BTN2A1: variants seen among roughly 807,000 people sequenced by gnomAD.
BTN2A1 encodes the protein butyrophilin, subfamily 2, member A1.
A neutral mutation model predicts 34.5 loss-of-function variants in BTN2A1; 41 were observed. The observed-to-expected ratio is 1.19, with a 90% CI of 0.93 to 1.54. The LOEUF is 1.54. Ranked by LOEUF, BTN2A1 falls within the 40% of genes most tolerant of loss-of-function variation. The probability of loss-of-function intolerance (pLI) is 0.00; values close to 1 mark genes in which losing one functional copy is unlikely to be tolerated. For missense variants in BTN2A1, 642 were observed against 662.0 expected (o/e 0.97, Z 0.33); for synonymous variants, 267 against 258.6 (o/e 1.03, Z -0.31).
intron 3 of BTN2A1, chr6:26,462,698 A>C (rs1763196892): frequency 1.3e-6 from 1 of 749,440 alleles, no homozygotes; most frequent in Admixed American, 2.5e-5. Flanking sequence ...GGTTATGTGA[A>C]GTTCTGAACT....
In BTN2A1 at chr6:26,458,539, G is replaced by A. The variant is rs1403990551; in HGVS notation, c.-30-68G>A. The A allele has an allele frequency of 1.5e-5, 19 of 1,280,150 alleles. No individual in the cohort carries two copies. In the Admixed American group the frequency reaches 2.2e-4, roughly 15 times the overall value. 79.3% of individuals were successfully genotyped at this position (1,280,150 alleles called of 1,614,324 possible). A position where few individuals can be genotyped will look rare whatever the true frequency, so the allele number is the denominator to read the frequency against. On this transcript the variant is annotated intron_variant, in intron 1 of 7. Transcript: ENST00000312541. ...ACTGATGAGACCTACTTGAGTGACGGGAGAGGTTGGGCCCGACCAGCACTG... is the reference window on the plus strand; with the variant it reads ...ACTGATGAGACCTACTTGAGTGACGAGAGAGGTTGGGCCCGACCAGCACTG...
chr6:26,474,641 A>G (rs1763507455), intron 7 of BTN2A1, among the ~76,000 whole-genome samples: 2 of 152,194 alleles, frequency 1.3e-5, no homozygotes, highest in African/African-American at 4.8e-5. Context: ...GGTAGAATGC[A>G]AAGAGTAAGG....
chr6:26,466,286 T>A (rs879187242), intron 7 of BTN2A1, among the ~76,000 whole-genome samples, 198 bp downstream of exon 7: 1 of 152,186 alleles, frequency 6.6e-6, no homozygotes, highest in Non-Finnish European at 1.5e-5. Flanking sequence ...CAATCCACCC[T>A]ATGGTTTACA....
intron 3 of BTN2A1, chr6:26,462,973 G>T (rs1247501859): frequency 2.2e-5 from 25 of 1,157,616 alleles, no homozygotes; most frequent in Non-Finnish European, 9.2e-6. Flanking sequence ...GCTGTGATGG[G>T]GCCTATAGGT....
At position 26,468,801 on chromosome 6, in the gene BTN2A1, G is replaced by T; in HGVS notation, c.*252G>T. ...GGCATAGGGAACTAGTTGTTACACA[G>T]CTCCCAGCCAAGAAGAAAGTGTGAG... On this transcript the variant is annotated 3_prime_UTR_variant, in exon 8 of 8. Coordinates refer to ENST00000312541, the MANE Select transcript of BTN2A1 (RefSeq NM_007049.5). 6.3e-7 allele frequency: 1 copy of T among 1,582,868 alleles called. No homozygotes were observed. Among genetic ancestry groups the T allele is most frequent in the East Asian group, 2.4e-5 (1 of 42,536 alleles).
At chr6:26,462,858 C>T in intron 3 of BTN2A1, 2 of 1,280,536 alleles carry the variant, frequency 1.6e-6, no homozygotes, top group Non-Finnish European at 2.0e-6. Flanking sequence ...AAATCCAAAA[C>T]CTGCCTGTTT....
At position 26,466,090 on chromosome 6, in the gene BTN2A1, T is replaced by C. The variant is rs762894236; in HGVS notation, c.982+2T>C. 3.2e-5 allele frequency: 51 copies of C among 1,613,462 alleles called. No homozygotes were observed. Among genetic ancestry groups the C allele is most frequent in the Non-Finnish European group, 4.2e-5 (50 of 1,180,030 alleles). On this transcript the variant is annotated splice_donor_variant, in intron 7 of 7. Coordinates refer to ENST00000312541, the MANE Select transcript of BTN2A1 (RefSeq NM_007049.5). LOFTEE classifies it high-confidence loss of function. ...GGAGAAGAACATTCTTACATGCTGGTGAGTGCCTCTGATGTTCCCTCAGAT... is the reference window on the plus strand; with the variant it reads ...GGAGAAGAACATTCTTACATGCTGGCGAGTGCCTCTGATGTTCCCTCAGAT...
At chr6:26,465,642 G>A (rs1425764553) in intron 5 of BTN2A1, among the ~76,000 whole-genome samples, 1 of 152,162 alleles carries the variant, frequency 6.6e-6, no homozygotes, top group Non-Finnish European at 1.5e-5. Context: ...CACAGCAGCA[G>A]CAAGGACTTG....
Position 26,468,215 on chromosome 6 carries a change from C to T in BTN2A1, c.1250C>T (p.Pro417Leu), listed in dbSNP as rs1210971743. ...VERKGEVLLI[P>L]QNGFWTLEMH... ...AGGAAAGGGGAGGTCCTGCTGATTC[C>T]TCAGAATGGCTTCTGGACCTTGGAG... The change falls in exon 8 of 8, where the codon CCT becomes CTT. Residue 417 changes from proline to leucine, a missense_variant. Coordinates refer to ENST00000312541, the MANE Select transcript of BTN2A1 (RefSeq NM_007049.5). 1.9e-6 allele frequency: 3 copies of T among 1,614,094 alleles called. No individual in the cohort carries two copies. Among genetic ancestry groups the T allele is most frequent in the Non-Finnish European group, 2.5e-6 (3 of 1,180,052 alleles).
intron 3 of BTN2A1, among the ~76,000 whole-genome samples, chr6:26,462,352 A>G (rs1480592517): frequency 6.6e-6 from 1 of 152,088 alleles, no homozygotes; most frequent in East Asian, 1.9e-4. Context: ...TAATAAGTTG[A>G]TGTTCTCCAA....
chr6:26,476,317 C>CCTAGCTGATGAA, exon 8 of BTN2A1: 1 of 832,808 alleles, frequency 1.2e-6, no homozygotes, highest in Non-Finnish European at 2.0e-6. Context: ...TATTCATCAG[C>CCTAGCTGATGAA]TAGGCTGAAG....
In BTN2A1 at chr6:26,468,540, G is replaced by A; in HGVS notation, c.1575G>A (p.Gln525=). ...GLTLHRVGTH[Q]SL is the part of the protein sequence containing the mutation. ...CACTTCACAGAGTGGGGACCCACCA[G>A]AGCCTATAGAATCAATTCCTTGGTC... The change falls in exon 8 of 8, where the codon CAG becomes CAA. Residue 525 remains glutamine (Q), a synonymous_variant. Coordinates refer to ENST00000312541, the MANE Select transcript of BTN2A1 (RefSeq NM_007049.5). 1.2e-6 allele frequency: 2 copies of A among 1,614,190 alleles called. No homozygotes were observed. The highest frequency in any genetic ancestry group is 1.7e-6 in the Non-Finnish European group (2 of 1,180,044).
At position 26,463,420 on chromosome 6, in the gene BTN2A1, G is replaced by A. The variant is rs1468149495; in HGVS notation, c.607G>A (p.Val203Ile). 2.5e-6 allele frequency: 4 copies of A among 1,614,022 alleles called. No individual in the cohort carries two copies. The African/African-American group carries it at 5.3e-5, about 22-fold the overall frequency. ...GCCTGATGCAGACGGCCTCTTCATG[G>A]TCACCACGGCTGTGATCATCAGAGA... ...SMPDADGLFM[V>I]TTAVIIRDKS... The change falls in exon 4 of 8, where the codon GTC (valine) becomes ATC (isoleucine). Residue 203 changes from valine (V) to isoleucine (I), a missense_variant. Physicochemically the swap from Val to Ile is conservative, Grantham distance 29. Transcript: ENST00000312541.
At chr6:26,459,157 T>C (rs1054626768) in intron 2 of BTN2A1, among the ~76,000 whole-genome samples, 10 of 152,158 alleles carry the variant, frequency 6.6e-5, no homozygotes, top group Admixed American at 4.6e-4. Flanking sequence ...ATGTGTCCTA[T>C]TGCACGGCTC....
chr6:26,468,023 G>A lies in BTN2A1; in HGVS notation c.1058G>A (p.Cys353Tyr). The A allele has an allele frequency of 1.9e-6, 3 of 1,614,248 alleles. No homozygotes were observed. The highest frequency in any genetic ancestry group is 2.7e-5 in the African/African-American group (2 of 75,062). The change falls in exon 8 of 8, where the codon TGC (cysteine) becomes TAC (tyrosine). Residue 353 changes from cysteine to tyrosine, a missense_variant. Physicochemically the swap from Cys to Tyr is radical, Grantham distance 194. Coordinates refer to ENST00000312541, the MANE Select transcript of BTN2A1 (RefSeq NM_007049.5). ...GAGGACCGGAGAAGTGTGAGAAGGTGCCCCTTCAGGCACCTAGGGGAGAGC... is the reference window on the plus strand; with the variant it reads ...GAGGACCGGAGAAGTGTGAGAAGGTACCCCTTCAGGCACCTAGGGGAGAGC... ...LSEDRRSVRR[C>Y]PFRHLGESVP...
chr6:26,459,453 T>C (rs1352881470), intron 2 of BTN2A1, 28 bp from the exon 3 acceptor site: 2 of 1,602,842 alleles, frequency 1.2e-6, no homozygotes, highest in African/African-American at 2.7e-5. Flanking sequence ...CTGGTGTCTT[T>C]GTCTGACTCT....
chr6:26,474,146 CCTAA>C (rs775144299), downstream of BTN2A1, among the ~76,000 whole-genome samples: 29 of 152,314 alleles, frequency 1.9e-4, no homozygotes, highest in Non-Finnish European at 4.1e-4. Context: ...TGAACTGCAA[CCTAA>C]CTTAGTATGT....
chr6:26,476,545 T>C (rs1283186014), exon 8 of BTN2A1: 1 of 317,968 alleles, frequency 3.1e-6, no homozygotes, highest in East Asian at 7.1e-5. Context: ...TCGGCACATG[T>C]TCACAGGATC....
At position 26,459,588 on chromosome 6, in the gene BTN2A1, GT is replaced by G. The variant is rs1763104638; in HGVS notation, c.191del (p.Val64GlyfsTer36). 1.9e-6 allele frequency: 3 copies of G among 1,613,972 alleles called. No individual in the cohort carries two copies. The African/African-American group carries it at 4.0e-5, about 22-fold the overall frequency. ...SPEKNAEDMEVRWFRSQFSPA... is the reference protein window; with the variant it reads ...SPEKNAEDMEXRWFRSQFSPA... ...CGAGAAAAATGCTGAGGACATGGAGGTGCGGTGGTTCCGGTCTCAGTTCTCC... is the reference window on the plus strand; with the variant it reads ...CGAGAAAAATGCTGAGGACATGGAGGGCGGTGGTTCCGGTCTCAGTTCTCC... On this transcript the variant is annotated frameshift_variant, in exon 3 of 8. Transcript: ENST00000312541. LOFTEE classifies it high-confidence loss of function.
Sources: allele counts gnomAD v4.1 joint callset (sites outside exome capture counted in the v4.1 genomes callset), GRCh38; gene constraint gnomAD v4.1.1; transcripts MANE v1.5; gene names NCBI Gene and HGNC (gene_info 2026-07-23, HGNC 2026-07-21).